CACNA1G: variants seen among roughly 807,000 people sequenced by gnomAD.
CACNA1G encodes voltage-dependent T-type calcium channel subunit alpha-1G.
In CACNA1G, 67 loss-of-function variants were observed where a neutral mutation model predicts 219.4. That is an observed-to-expected ratio of 0.31 (90% CI 0.25 to 0.37). CACNA1G has a LOEUF of 0.37. CACNA1G is among the 10% of genes least tolerant of loss of function. The pLI is 1.00. For missense variants in CACNA1G, 2,380 were observed against 3,231.4 expected (o/e 0.74, Z 6.39); for synonymous variants, 1,296 against 1,345.3 (o/e 0.96, Z 0.80).
At position 50,618,153 on chromosome 17, in the gene CACNA1G, G is replaced by A; in HGVS notation, c.5305+27G>A. 1 of 1,613,252 alleles carries A rather than the reference G, an allele frequency of 6.2e-7. No homozygotes were observed. The highest frequency in any genetic ancestry group is 8.5e-7 in the Non-Finnish European group (1 of 1,179,420). On this transcript the variant is annotated intron_variant, in intron 31 of 37. Transcript: ENST00000359106. The surrounding 1 kb of genome is among the most constrained non-coding windows in gnomAD (Gnocchi z 5.3). ...TGAGTTGGGGTAGGGGAGGGTGGAG[G>A]AGCCAGGGCTGGAGACCAGGGGGCT...
chr17:50,596,497 C>A lies in CACNA1G; in HGVS notation c.2980-65C>A. 7.6e-7 allele frequency: 1 copy of A among 1,310,240 alleles called. No homozygotes were observed. The highest frequency in any genetic ancestry group is 1.1e-6 in the Non-Finnish European group (1 of 906,300). The allele number at this position is 1,310,240 out of a possible 1,614,324, so 81.2% of individuals were successfully genotyped here. Reference sequence around the variant, plus strand: ...GTGTGCGTGTGTGAAGAGAGGGAGGCCCGGTCCATCCCAACCACCCAAGCC... The same window carrying A: ...GTGTGCGTGTGTGAAGAGAGGGAGGACCGGTCCATCCCAACCACCCAAGCC... On this transcript the variant is annotated intron_variant, in intron 14 of 37. Transcript: ENST00000359106. The surrounding 1 kb of genome is among the most constrained non-coding windows in gnomAD (Gnocchi z 4.8).
intron 37 of CACNA1G, among the ~76,000 whole-genome samples, chr17:50,625,416 G>A (rs115394739): frequency 0.017 from 2,530 of 152,296 alleles, 76 homozygotes; most frequent in African/African-American, 0.057. Flanking sequence ...AGGCACTGGC[G>A]ACACAGCCCC....
intron 9 of CACNA1G, among the ~76,000 whole-genome samples, chr17:50,589,048 A>C (rs1195728109): frequency 6.6e-6 from 1 of 152,004 alleles, no homozygotes; most frequent in Non-Finnish European, 1.5e-5. Context: ...TGTTTCATTA[A>C]CCCATACTTT....
In CACNA1G at chr17:50,571,858, C is replaced by T. The variant is rs770576779; in HGVS notation, c.587-20C>T. 10 of 1,612,212 alleles carry T rather than the reference C, an allele frequency of 6.2e-6. No individual in the cohort carries two copies. In the East Asian group the frequency reaches 1.3e-4, roughly 22 times the overall value. The stretch of plus-strand genomic sequence containing the variant: ...AGCCCGGCCAGCCTGGTGTCCCCAG[C>T]GTGGCTTCTGCCCCCACAGGCATGC... On this transcript the variant is annotated intron_variant, in intron 4 of 37. Coordinates refer to ENST00000359106, the MANE Select transcript of CACNA1G (RefSeq NM_018896.5). The surrounding 1 kb of genome is among the most constrained non-coding windows in gnomAD (Gnocchi z 4.3).
At chr17:50,593,513 G>T (rs1360926270) in intron 13 of CACNA1G, among the ~76,000 whole-genome samples, 1 of 152,236 alleles carries the variant, frequency 6.6e-6, no homozygotes, top group Non-Finnish European at 1.5e-5. Flanking sequence ...CAAACACCTT[G>T]TTAACTTGAG....
chr17:50,604,032 G>C (rs2047397512), intron 21 of CACNA1G, 123 bp from the exon 22 acceptor site: 2 of 980,300 alleles, frequency 2.0e-6, no homozygotes, highest in South Asian at 2.3e-5. Context: ...GAGGACTTGT[G>C]TTCTGCCACC....
chr17:50,618,772 G>A lies in CACNA1G; in HGVS notation c.5545G>A (p.Val1849Met), dbSNP rs2146292577. Reference protein sequence around the residue: ...QFVLVNVVIAVLMKHLEESNK... With the variant: ...QFVLVNVVIAMLMKHLEESNK... ...CGTGCTAGTCAACGTGGTGATCGCC[G>A]TGCTGATGAAGCACCTGGAGGAGAG... Residue 1849 changes from valine to methionine, a missense_variant, in exon 33 of 38, where the codon GTG (valine) becomes ATG (methionine). This residue lies in a region of CACNA1G where 33 missense variants were observed against 70.2 expected (regional missense o/e 0.47). Transcript: ENST00000359106. The surrounding 1 kb of genome is among the most constrained non-coding windows in gnomAD (Gnocchi z 5.3). 6.2e-7 allele frequency: 1 copy of A among 1,613,974 alleles called. No individual in the cohort carries two copies. The highest frequency in any genetic ancestry group is 8.5e-7 in the Non-Finnish European group (1 of 1,179,894).
At chr17:50,569,602 C>G in intron 3 of CACNA1G, 104 bp from the exon 4 acceptor site, 1 of 812,432 alleles carries the variant, frequency 1.2e-6, no homozygotes, top group Non-Finnish European at 2.0e-6. Context: ...AAGAAGGAGT[C>G]AGAGGTCATC....
At chr17:50,598,854 G>A (rs1400583884) in intron 16 of CACNA1G, among the ~76,000 whole-genome samples, 1 of 152,180 alleles carries the variant, frequency 6.6e-6, no homozygotes, top group African/African-American at 2.4e-5. Context: ...AGCCTCCTGA[G>A]TAGCTGGGAT....
intron 22 of CACNA1G, among the ~76,000 whole-genome samples, chr17:50,605,075 G>T (rs1008428430): frequency 5.9e-5 from 9 of 152,058 alleles, no homozygotes; most frequent in African/African-American, 1.9e-4. Context: ...AAGCTGTGTG[G>T]TGCCTCTCTG....
At chr17:50,561,771 G>A (rs2035684965) in intron 1 of CACNA1G, 70 bp downstream of exon 1, 7 of 1,410,782 alleles carry the variant, frequency 5.0e-6, no homozygotes, top group East Asian at 2.6e-5. Flanking sequence ...GGGGGTCGGG[G>A]GGGAAGAAGA....
intron 5 of CACNA1G, 101 bp downstream of exon 5, chr17:50,572,138 A>G (rs2039579494): frequency 7.7e-7 from 1 of 1,291,822 alleles, no homozygotes. Flanking sequence ...TATCTGTTCT[A>G]ACATCTGAGA....
chr17:50,624,471 TC>T lies in CACNA1G; in HGVS notation c.6345del (p.Lys2116AsnfsTer21). 1.2e-6 allele frequency: 2 copies of T among 1,601,090 alleles called. No individual in the cohort carries two copies. Among genetic ancestry groups the T allele is most frequent in the East Asian group, 2.3e-5 (1 of 44,184 alleles). On this transcript the variant is annotated frameshift_variant, in exon 37 of 38. Transcript: ENST00000359106. LOFTEE classifies it high-confidence loss of function. ...QPHSAPTWGT[I>X]PKLPPPGRSP... Reference sequence around the variant, plus strand: ...CACAGCGCCCCAACCTGGGGCACCATCCCCAAACTGCCCCCACCAGGACGCT... The same window carrying T: ...CACAGCGCCCCAACCTGGGGCACCATCCCAAACTGCCCCCACCAGGACGCT...
Position 50,578,288 on chromosome 17 carries a change from A to G in CACNA1G, c.2025A>G (p.Ala675=), listed in dbSNP as rs1158700094. ...GCCCCTACTGTGCCCGGGCCGGGGC[A>G]GGGGAGGTGGAGCTCGCCGACCGTG... ...DSCPYCARAG[A]GEVELADREM... Residue 675 remains alanine, a synonymous_variant, in exon 9 of 38, where the codon GCA becomes GCG. Coordinates refer to ENST00000359106, the MANE Select transcript of CACNA1G (RefSeq NM_018896.5). This position sits in a 1 kb window ranked among gnomAD's most constrained non-coding sequence, Gnocchi z 4.5. 6.2e-7 allele frequency: 1 copy of G among 1,613,074 alleles called. No homozygotes were observed.
At chr17:50,599,353 A>T in intron 16 of CACNA1G, 75 bp from the exon 17 acceptor site, 1 of 1,305,666 alleles carries the variant, frequency 7.7e-7, no homozygotes, top group Non-Finnish European at 1.0e-6. Context: ...TGAGGCTCCC[A>T]GGAGACCGGG....
intron 2 of CACNA1G, 23 bp downstream of exon 2, chr17:50,569,004 G>GTA: frequency 6.6e-7 from 1 of 1,513,486 alleles, no homozygotes; most frequent in Non-Finnish European, 8.9e-7. Flanking sequence ...GTGTGTGTGT[G>GTA]TGTGTGTGTG....
chr17:50,595,095 G>A (rs561801281), intron 14 of CACNA1G, 34 bp downstream of exon 14: 9 of 1,519,318 alleles, frequency 5.9e-6, no homozygotes, highest in African/African-American at 2.8e-5. Flanking sequence ...CATGCCTCCC[G>A]TGCCCCATGC....
intron 23 of CACNA1G, 103 bp from the exon 24 acceptor site, chr17:50,606,797 G>A: frequency 1.3e-6 from 1 of 781,330 alleles, no homozygotes; most frequent in Middle Eastern, 2.3e-4. Flanking sequence ...CTCAAGGGCT[G>A]GGGTACTTGG....
rs1459594772 is a variant in CACNA1G, at chr17:50,618,431, A to G, written c.5427+88A>G. 1.9e-6 allele frequency: 3 copies of G among 1,539,418 alleles called. No homozygotes were observed. Among genetic ancestry groups the G allele is most frequent in the Non-Finnish European group, 2.7e-6 (3 of 1,123,400 alleles). On this transcript the variant is annotated intron_variant, in intron 32 of 37. Transcript: ENST00000359106. The surrounding 1 kb of genome is among the most constrained non-coding windows in gnomAD (Gnocchi z 5.3). ...TTGGGAAGATGAATTGGCCACAAAT[A>G]AAAGCATGTGACCTTCTCTCCCCCG... is the stretch of plus-strand genomic sequence containing the variant.
Sources: gnomAD v4.1 joint callset for allele counts (sites outside exome capture counted in the v4.1 genomes callset) on GRCh38, gnomAD v4.1.1 for gene constraint, gnomAD v4.1.1 regional missense constraint, Gnocchi (gnomAD v3.1) non-coding constraint, MANE v1.5 for transcripts, NCBI Gene and HGNC (gene_info 2026-07-23, HGNC 2026-07-21) for gene names.